Variants in TECR observed in about 807,000 individuals in gnomAD.
The protein encoded by TECR is very-long-chain enoyl-CoA reductase.
A neutral mutation model predicts 50.6 loss-of-function variants in TECR; 19 were observed. The ratio of observed to expected loss-of-function variants is 0.38; its 90% CI spans 0.26 to 0.55. The LOEUF (loss-of-function observed/expected upper bound fraction) is 0.55. Ranked by LOEUF, TECR falls within the 20% of genes least tolerant of loss-of-function variation. TECR has a pLI of 0.79. For missense variants in TECR, 313 were observed against 408.3 expected (o/e 0.77, Z 2.01); for synonymous variants, 168 against 163.5 (o/e 1.03, Z -0.21).
chr19:14,565,737 C>T lies in TECR; in HGVS notation c.800-7C>T, dbSNP rs371529959. The stretch of plus-strand genomic sequence containing the variant: ...AGCCCCTCCCTGACGCCCGTTCTTT[C>T]CTGCAGTGGCCCTGTTCTCCCTGGT... On this transcript the variant is annotated splice_region_variant and splice_polypyrimidine_tract_variant and intron_variant, in intron 12 of 12. Transcript: ENST00000215567. The T allele has an allele frequency of 1.9e-6, 3 of 1,612,442 alleles. No homozygotes were observed. The highest frequency in any genetic ancestry group is 1.7e-6 in the Non-Finnish European group (2 of 1,179,800).
chr19:14,543,142 G>A (rs973100005), intron 1 of TECR, among the ~76,000 whole-genome samples: 12 of 151,256 alleles, frequency 7.9e-5, no homozygotes, highest in Non-Finnish European at 1.5e-4. Context: ...GAAACAGGCT[G>A]AAGTCACGGA....
intron 1 of TECR, among the ~76,000 whole-genome samples, chr19:14,555,705 T>C (rs998097021): frequency 6.6e-5 from 10 of 152,274 alleles, no homozygotes; most frequent in African/African-American, 2.2e-4. Flanking sequence ...CCTCCCAAAG[T>C]GCTTGGATTA....
intron 1 of TECR, among the ~76,000 whole-genome samples, chr19:14,535,396 T>C (rs1160417152): frequency 2.0e-5 from 3 of 148,098 alleles, no homozygotes; most frequent in Admixed American, 6.8e-5. Flanking sequence ...TAGTCCCAGC[T>C]ACTTGGGAGG....
chr19:14,552,427 A>G (rs1342348492), intron 1 of TECR, among the ~76,000 whole-genome samples: 1 of 151,896 alleles, frequency 6.6e-6, no homozygotes, highest in Non-Finnish European at 1.5e-5. Context: ...AGCTGGGTGG[A>G]CACTCACATG....
Position 14,565,672 on chromosome 19 carries a change from G to A in TECR, c.799+9G>A, listed in dbSNP as rs1404297163. On this transcript the variant is annotated intron_variant, in intron 12 of 12. Coordinates refer to ENST00000215567, the MANE Select transcript of TECR (RefSeq NM_138501.6). ...GACGCAGTGTCTCCCAGGTGAGCCT[G>A]CCGCCCTCCCTCGGCGGGGCCCTGC... 4.3e-6 allele frequency: 7 copies of A among 1,612,274 alleles called. No individual in the cohort carries two copies. The highest frequency in any genetic ancestry group is 5.9e-6 in the Non-Finnish European group (7 of 1,179,716).
chr19:14,554,604 G>C (rs997562871), intron 1 of TECR, among the ~76,000 whole-genome samples: 5 of 152,158 alleles, frequency 3.3e-5, no homozygotes, highest in African/African-American at 1.2e-4. Context: ...CAGGCCTTCA[G>C]GCTGCGCCTC....
In TECR at chr19:14,564,541, TC is replaced by T. The variant is rs1193324490; in HGVS notation, c.490-239del. 8.2e-5 allele frequency among the ~76,000 whole-genome samples: 3 copies of T among 36,420 alleles called. No homozygotes were observed. In the East Asian group the frequency reaches 2.1e-3, roughly 25 times the overall value. The allele number at this position is 36,420 out of a possible 152,430, so 23.9% of individuals were successfully genotyped here. On this transcript the variant is annotated intron_variant, in intron 7 of 12. Coordinates refer to ENST00000215567, the MANE Select transcript of TECR (RefSeq NM_138501.6). ...TAGTCCCACCCCTAGGCACCGCCTA[TC>T]CCCCCAGCCCCGCCCCTGCAGAGCC...
At chr19:14,542,582 G>A (rs932345326) in intron 1 of TECR, among the ~76,000 whole-genome samples, 11 of 139,730 alleles carry the variant, frequency 7.9e-5, no homozygotes, top group South Asian at 2.3e-4. Flanking sequence ...GGGTGGTCTC[G>A]AACTCCTGAC....
intron 1 of TECR, 145 bp downstream of exon 1, chr19:14,529,856 C>T (rs769798947): frequency 1.1e-5 from 12 of 1,110,222 alleles, no homozygotes; most frequent in Admixed American, 2.1e-5. Flanking sequence ...CGTTGCGCCC[C>T]GGGCCACTCG....
chr19:14,532,379 C>T (rs2072703987), intron 1 of TECR: 1 of 151,944 alleles, frequency 6.6e-6, no homozygotes, highest in Admixed American at 6.6e-5. Context: ...AACCTTGTCT[C>T]TACTAAAAAT....
rs1263884401 is a variant in TECR at position 14,564,345 on chromosome 19, G to GC, written c.489+63dup. 22 of 920,506 alleles carry GC rather than the reference G, an allele frequency of 2.4e-5. No individual in the cohort carries two copies. The East Asian group carries it at 5.8e-4, about 24-fold the overall frequency. The allele number at this position is 920,506 out of a possible 1,614,324, so 57.0% of individuals were successfully genotyped here. ...CCGCCTTTCTGCCCCACCCCGCCCC[G>GC]CCCCCACCGAGCCCCACCCCAAGGC... On this transcript the variant is annotated intron_variant, in intron 7 of 12. Coordinates refer to ENST00000215567, the MANE Select transcript of TECR (RefSeq NM_138501.6).
intron 1 of TECR, chr19:14,562,292 G>A: frequency 1.6e-6 from 1 of 629,452 alleles, no homozygotes; most frequent in South Asian, 1.9e-5. Flanking sequence ...GCCCGGCCCA[G>A]GGCTGCTTCC....
chr19:14,539,229 C>T (rs1355487680), intron 1 of TECR, among the ~76,000 whole-genome samples: 3 of 139,130 alleles, frequency 2.2e-5, no homozygotes, highest in African/African-American at 8.2e-5. Context: ...CTCCTGACTT[C>T]GTGATCCACC....
chr19:14,532,761 G>A (rs1228950863), intron 1 of TECR, among the ~76,000 whole-genome samples: 1 of 152,026 alleles, frequency 6.6e-6, no homozygotes, highest in Non-Finnish European at 1.5e-5. Context: ...AAATAGAAAG[G>A]ATGCTTTCAC....
chr19:14,538,407 G>A (rs1400648133), intron 1 of TECR, among the ~76,000 whole-genome samples: 1 of 152,184 alleles, frequency 6.6e-6, no homozygotes, highest in African/African-American at 2.4e-5. Context: ...GCGGCCCACA[G>A]GCAGGGTAAA....
At chr19:14,546,972 G>T (rs1283728020) in intron 1 of TECR, among the ~76,000 whole-genome samples, 2 of 152,144 alleles carry the variant, frequency 1.3e-5, no homozygotes, top group African/African-American at 4.8e-5. Context: ...TGGGATTACA[G>T]GCATGAGCCA....
chr19:14,551,650 C>T (rs915434243), intron 1 of TECR, among the ~76,000 whole-genome samples: 7 of 152,012 alleles, frequency 4.6e-5, no homozygotes, highest in African/African-American at 1.7e-4. Flanking sequence ...TAAACCCTGC[C>T]TGGGCCCCGC....
intron 1 of TECR, among the ~76,000 whole-genome samples, chr19:14,555,116 C>T (rs371294845): frequency 9.2e-5 from 14 of 151,806 alleles, no homozygotes; most frequent in African/African-American, 3.4e-4. Context: ...GCTTTGTCCC[C>T]CAGGCAGGGG....
rs1343363113 is a variant in TECR at position 14,563,826 on chromosome 19, G to A, written c.190G>A (p.Val64Ile). The change falls in exon 5 of 13, where the codon GTT (valine) becomes ATT (isoleucine). Residue 64 changes from valine to isoleucine, a missense_variant. Physicochemically the swap from Val to Ile is conservative, Grantham distance 29. Transcript: ENST00000215567. This position sits in a 1 kb window ranked among gnomAD's most constrained non-coding sequence, Gnocchi z 5.3. ...PKGKSLKDEDVLQKLPVGTTA... is the reference protein window; with the variant it reads ...PKGKSLKDEDILQKLPVGTTA... ...GGGCAAGTCCCTGAAGGATGAGGAT[G>A]TTCTGCAGAAGCTGCCCGTGGGCAC... 6.2e-7 allele frequency: 1 copy of A among 1,613,966 alleles called. No individual in the cohort carries two copies. The highest frequency in any genetic ancestry group is 8.5e-7 in the Non-Finnish European group (1 of 1,179,958).
Sources: gnomAD v4.1 joint callset for allele counts (sites outside exome capture counted in the v4.1 genomes callset) on GRCh38, gnomAD v4.1.1 for gene constraint, Gnocchi (gnomAD v3.1) non-coding constraint, MANE v1.5 for transcripts, NCBI Gene and HGNC (gene_info 2026-07-23, HGNC 2026-07-21) for gene names.